The following MEGF10 variants were observed in gnomAD, a reference collection of about 807,000 sequenced individuals.
MEGF10 encodes the protein multiple epidermal growth factor-like domains protein 10.
In MEGF10, 86 loss-of-function variants were observed where a neutral mutation model predicts 147.5. That is an observed-to-expected ratio of 0.58 (90% CI 0.49 to 0.70). The LOEUF is 0.70. Among genes scored for constraint, MEGF10 ranks in the 30% least tolerant of loss-of-function variants. MEGF10 has a pLI of 0.00. For synonymous variants in MEGF10, 478 were observed against 525.5 expected, an observed-to-expected ratio of 0.91 and a Z score of 1.24; for missense variants, 1,329 against 1,487.3, an observed-to-expected ratio of 0.89 and a Z score of 1.75.
chr5:127,379,523 T>A (rs1395161797), intron 5 of MEGF10, among the ~76,000 whole-genome samples: 1 of 152,178 alleles, frequency 6.6e-6, no homozygotes, highest in Admixed American at 6.5e-5. Flanking sequence ...CGTCTTATTT[T>A]TGCCTTTGCA....
intron 9 of MEGF10, among the ~76,000 whole-genome samples, chr5:127,415,407 A>G (rs1764721058): frequency 6.6e-6 from 1 of 152,062 alleles, no homozygotes; most frequent in South Asian, 2.1e-4. Context: ...TAAGAAGGAG[A>G]ATGATATGAT....
At chr5:127,414,778 G>A (rs986049869) in intron 9 of MEGF10, among the ~76,000 whole-genome samples, 2 of 152,056 alleles carry the variant, frequency 1.3e-5, no homozygotes, top group Non-Finnish European at 2.9e-5. Context: ...TGGCAAAACA[G>A]ATTTAATTCT....
At position 127,459,069 on chromosome 5, in the gene MEGF10, T is replaced by C. The variant is rs1380461501; in HGVS notation, c.*1751T>C. The C allele has an allele frequency of 6.6e-6, 1 of 152,202 alleles. No homozygotes were observed. The highest frequency in any genetic ancestry group is 6.5e-5 in the Admixed American group (1 of 15,278). 9.4% of individuals were successfully genotyped at this position (152,202 alleles called of 1,614,324 possible). A position where few individuals can be genotyped will look rare whatever the true frequency, so the allele number is the denominator to read the frequency against. ...TTATAAGAGAAACAGTGGTCTTCAA[T>C]CTTTTAAAGACATGAAATCCTATAT... On this transcript the variant is annotated 3_prime_UTR_variant, in exon 25 of 25. Coordinates refer to ENST00000503335, the MANE Select transcript of MEGF10 (RefSeq NM_001256545.2).
At chr5:127,235,472 C>T in the MEGF10 span, among the ~76,000 whole-genome samples, 3 of 152,200 alleles carry the variant, frequency 2.0e-5, no homozygotes, top group African/African-American at 7.2e-5. Flanking sequence ...CCATTGCTAC[C>T]CCTTAGGTTT....
At chr5:127,385,718 T>G (rs17165010) in intron 5 of MEGF10, among the ~76,000 whole-genome samples, 4,945 of 152,318 alleles carry the variant, frequency 0.032, 272 homozygotes, top group African/African-American at 0.11. Flanking sequence ...ACTGTAAGTA[T>G]CTGGTAGAGA....
chr5:127,442,962 A>G, intron 18 of MEGF10, 36 bp from the exon 19 acceptor site: 1 of 1,591,282 alleles, frequency 6.3e-7, no homozygotes, highest in East Asian at 2.3e-5. Flanking sequence ...CCAAATTCCC[A>G]AGGTTGGAAA....
At chr5:127,303,426 T>C (rs1183808577) in intron 1 of MEGF10, among the ~76,000 whole-genome samples, 2 of 151,300 alleles carry the variant, frequency 1.3e-5, no homozygotes, top group Non-Finnish European at 2.9e-5. Flanking sequence ...AGTGCTTAAG[T>C]TAAATTCACC....
chr5:127,434,198 C>G (rs1765479309), intron 14 of MEGF10, among the ~76,000 whole-genome samples: 1 of 152,054 alleles, frequency 6.6e-6, no homozygotes, highest in African/African-American at 2.4e-5. Flanking sequence ...TGGTTAATCA[C>G]TTTTCGATTA....
At chr5:127,290,546 T>C (rs1759198157), upstream of MEGF10, among the ~76,000 whole-genome samples, 1 of 152,216 alleles carries the variant, frequency 6.6e-6, no homozygotes, top group Admixed American at 6.5e-5. Flanking sequence ...ATTTGCTAAC[T>C]TCGCGACCAG....
At chr5:127,318,486 C>T (rs1242713443) in intron 1 of MEGF10, among the ~76,000 whole-genome samples, 2 of 152,050 alleles carry the variant, frequency 1.3e-5, no homozygotes, top group Non-Finnish European at 2.9e-5. Context: ...ACCAAGTAGC[C>T]ATGGTTGGCA....
the MEGF10 span, among the ~76,000 whole-genome samples, chr5:127,247,225 GAA>G: frequency 2.2e-5 from 3 of 133,728 alleles, no homozygotes; most frequent in Admixed American, 8.1e-5. Flanking sequence ...CATTAGAGGA[GAA>G]AAAAAAACTC....
chr5:127,306,924 G>T (rs1317933058), intron 1 of MEGF10, among the ~76,000 whole-genome samples: 2 of 152,200 alleles, frequency 1.3e-5, no homozygotes, highest in African/African-American at 4.8e-5. Flanking sequence ...CCTGCTTTTA[G>T]AATTGCATTA....
At chr5:127,443,511 G>A (rs928230427) in intron 19 of MEGF10, among the ~76,000 whole-genome samples, 3 of 151,796 alleles carry the variant, frequency 2.0e-5, no homozygotes, top group Non-Finnish European at 2.9e-5. Context: ...ATAAAATCTC[G>A]ACTATCTATA....
intron 8 of MEGF10, among the ~76,000 whole-genome samples, chr5:127,406,428 G>A (rs75372140): frequency 0.021 from 3,157 of 152,270 alleles, 59 homozygotes; most frequent in Middle Eastern, 0.085. Flanking sequence ...GTTAACACAT[G>A]TACACAACAA....
intron 5 of MEGF10, among the ~76,000 whole-genome samples, chr5:127,371,191 CTGTG>C (rs10591122): frequency 0.11 from 13,859 of 125,914 alleles, 663 homozygotes; most frequent in Admixed American, 0.15. Context: ...GGGACTGGGA[CTGTG>C]TGTGTGTGTG....
At chr5:127,257,715 T>C in the MEGF10 span, among the ~76,000 whole-genome samples, 1 of 152,196 alleles carries the variant, frequency 6.6e-6, no homozygotes, top group South Asian at 2.1e-4. Flanking sequence ...TATCTTTTTC[T>C]GTACCCCCAA....
At chr5:127,321,118 G>C (rs148764096) in intron 1 of MEGF10, among the ~76,000 whole-genome samples, 1 of 152,168 alleles carries the variant, frequency 6.6e-6, no homozygotes, top group Non-Finnish European at 1.5e-5. Flanking sequence ...TGATTTGACT[G>C]TAAGTTAAGA....
At chr5:127,251,461 G>A in the MEGF10 span, among the ~76,000 whole-genome samples, 1 of 152,036 alleles carries the variant, frequency 6.6e-6, no homozygotes, top group Non-Finnish European at 1.5e-5. Context: ...TTAATATACA[G>A]AAAGCACTTA....
chr5:127,247,451 A>G, the MEGF10 span, among the ~76,000 whole-genome samples: 268 of 123,494 alleles, frequency 2.2e-3, 11 homozygotes, highest in East Asian at 9.4e-3. Context: ...AAGAAGAAGA[A>G]GAAGAAGAAG....
Sources: gnomAD v4.1 joint callset for allele counts (sites outside exome capture counted in the v4.1 genomes callset) on GRCh38, gnomAD v4.1.1 for gene constraint, MANE v1.5 for transcripts, NCBI Gene and HGNC (gene_info 2026-07-23, HGNC 2026-07-21) for gene names.